The following RAD50 variants were observed in gnomAD, a reference collection of about 807,000 sequenced individuals.
RAD50 encodes DNA repair protein RAD50.
In RAD50, 132 loss-of-function variants were observed where a neutral mutation model predicts 168.8. The ratio of observed to expected loss-of-function variants is 0.78; its 90% CI spans 0.68 to 0.90. The LOEUF (loss-of-function observed/expected upper bound fraction) is 0.90, where lower values mean the gene tolerates loss of function less well. Among genes scored for constraint, RAD50 ranks in the 40% least tolerant of loss-of-function variants. RAD50 has a pLI of 0.00. For synonymous variants in RAD50, 525 were observed against 497.4 expected (o/e 1.06, Z -0.74); for missense variants, 1,347 against 1,534.4 (o/e 0.88, Z 2.04).
At chr5:132,591,591 A>G (rs1432747643) in intron 10 of RAD50, among the ~76,000 whole-genome samples, 185 bp downstream of exon 10, 1 of 152,204 alleles carries the variant, frequency 6.6e-6, no homozygotes, top group Admixed American at 6.5e-5. Flanking sequence ...CAAAAAGTTA[A>G]TACAGAAATG....
chr5:132,632,573 CATG>C (rs143696979), intron 21 of RAD50, among the ~76,000 whole-genome samples: 6,199 of 152,176 alleles, frequency 0.041, 350 homozygotes, highest in African/African-American at 0.13. Flanking sequence ...CTGTAAAATG[CATG>C]ATATCTACTT....
chr5:132,564,586 A>G (rs1029816018), intron 2 of RAD50, among the ~76,000 whole-genome samples: 5 of 152,226 alleles, frequency 3.3e-5, no homozygotes, highest in African/African-American at 1.2e-4. Context: ...AGCAGAGCAT[A>G]AAAGTTTGGA....
At chr5:132,568,764 A>G (rs555310704) in intron 2 of RAD50, among the ~76,000 whole-genome samples, 15 of 152,338 alleles carry the variant, frequency 9.8e-5, no homozygotes, top group African/African-American at 3.4e-4. Context: ...AATGGAGGAC[A>G]TTTTCAGATT....
rs1207946233 is a variant in RAD50 at position 132,585,591 on chromosome 5, C to CTTTT, written c.757-1954_757-1951dup. ...ATTTTATTATTGAGCTGTGAGAGTTCTTTTTTTTTTTTTTTTTTTTCTTGT... is the reference window on the plus strand; with the variant it reads ...ATTTTATTATTGAGCTGTGAGAGTTCTTTTTTTTTTTTTTTTTTTTTTTTCTTGT... On this transcript the variant is annotated intron_variant, in intron 5 of 24. Coordinates refer to ENST00000378823, the MANE Select transcript of RAD50 (RefSeq NM_005732.4). Among the ~76,000 whole-genome samples the CTTTT allele has an allele frequency of 3.0e-4, 34 of 113,564 alleles. 1 individual carries two copies. The highest frequency in any genetic ancestry group is 7.6e-4 in the African/African-American group (24 of 31,596). 74.5% of individuals were successfully genotyped at this position (113,564 alleles called of 152,430 possible).
rs1581009486 is a variant in RAD50, at chr5:132,618,190, A to G, written c.3285A>G (p.Pro1095=). 1 of 1,614,028 alleles carries G rather than the reference A, an allele frequency of 6.2e-7. No homozygotes were observed. Among genetic ancestry groups the G allele is most frequent in the Middle Eastern group, 1.7e-4 (1 of 6,058 alleles). ...ATTTTAAGAAAGAACTTCGAGAACC[A>G]CAATTTCGGGATGCTGAGGAAAAGT... The part of the protein sequence containing the change: ...IIHFKKELRE[P]QFRDAEEKYR... The change falls in exon 21 of 25, where the codon CCA becomes CCG. Residue 1095 remains proline (P), a synonymous_variant. Coordinates refer to ENST00000378823, the MANE Select transcript of RAD50 (RefSeq NM_005732.4).
chr5:132,571,902 A>G (rs1340388875), intron 2 of RAD50, among the ~76,000 whole-genome samples: 1 of 152,226 alleles, frequency 6.6e-6, no homozygotes, highest in Non-Finnish European at 1.5e-5. Context: ...TATTCTGCAA[A>G]ATAATGGTCT....
chr5:132,643,263 C>G lies in RAD50; in HGVS notation c.*899C>G, dbSNP rs777025862. ...TGCTCCCTGTAGGGTCCAACCAGAC[C>G]TGGAAGAACAGGCCTCTCCATTTGC... On this transcript the variant is annotated 3_prime_UTR_variant, in exon 25 of 25. Transcript: ENST00000378823. The G allele has an allele frequency of 2.3e-5, 6 of 264,418 alleles. No individual in the cohort carries two copies. Among genetic ancestry groups the G allele is most frequent in the Non-Finnish European group, 3.9e-5 (5 of 129,052 alleles). 16.4% of individuals were successfully genotyped at this position (264,418 alleles called of 1,614,324 possible).
intron 5 of RAD50, among the ~76,000 whole-genome samples, chr5:132,582,661 T>TC (rs1750523262): frequency 1.3e-5 from 2 of 152,208 alleles, no homozygotes; most frequent in African/African-American, 4.8e-5. Flanking sequence ...TAAATGGGAA[T>TC]TGCTAGAGGA....
At chr5:132,590,454 A>G (rs1355997309) in intron 9 of RAD50, among the ~76,000 whole-genome samples, 1 of 152,228 alleles carries the variant, frequency 6.6e-6, no homozygotes, top group African/African-American at 2.4e-5. Context: ...TGGGTGACAG[A>G]GTGGGACTCC....
intron 21 of RAD50, among the ~76,000 whole-genome samples, chr5:132,619,291 T>C (rs1751232371): frequency 6.6e-6 from 1 of 152,246 alleles, no homozygotes; most frequent in Non-Finnish European, 1.5e-5. Context: ...ACTAGCAGTA[T>C]ATAAGGGTTT....
intron 11 of RAD50, among the ~76,000 whole-genome samples, chr5:132,592,485 G>T (rs1249977921): frequency 1.3e-5 from 2 of 152,218 alleles, no homozygotes; most frequent in Non-Finnish European, 2.9e-5. Context: ...CTTGTTTGAT[G>T]AGAGGAATGA....
chr5:132,604,888 G>A lies in RAD50; in HGVS notation c.2607G>A (p.Glu869=), dbSNP rs876660389. The A allele has an allele frequency of 6.2e-7, 1 of 1,613,504 alleles. No homozygotes were observed. The highest frequency in any genetic ancestry group is 1.3e-5 in the African/African-American group (1 of 74,888). Residue 869 remains glutamate, a synonymous_variant, in exon 16 of 25, where the codon GAG becomes GAA. Transcript: ENST00000378823. ...QIQHLKSTTN[E]LKSEKLQIST... is the part of the protein sequence containing the mutation. ...AACATCTAAAAAGTACAACAAATGA[G>A]CTAAAATCTGAGAAACTTCAGATAT... is the stretch of plus-strand genomic sequence containing the variant.
chr5:132,564,584 A>G (rs558553040), intron 2 of RAD50, among the ~76,000 whole-genome samples: 17 of 152,346 alleles, frequency 1.1e-4, no homozygotes, highest in Non-Finnish European at 4.4e-5. Context: ...GAAGCAGAGC[A>G]TAAAAGTTTG....
At chr5:132,610,553 G>A (rs1296383000) in intron 19 of RAD50, among the ~76,000 whole-genome samples, 3 of 151,958 alleles carry the variant, frequency 2.0e-5, no homozygotes, top group Non-Finnish European at 4.4e-5. Flanking sequence ...CTATTTGAAT[G>A]CCTTAACCAC....
intron 20 of RAD50, 64 bp from the exon 21 acceptor site, chr5:132,618,005 CT>C (rs1158498598): frequency 7.6e-7 from 1 of 1,312,304 alleles, no homozygotes; most frequent in East Asian, 2.3e-5. Flanking sequence ...AAATCTATGA[CT>C]TTTCCACTTC....
chr5:132,626,591 C>A (rs1183357568), intron 21 of RAD50, among the ~76,000 whole-genome samples: 1 of 152,158 alleles, frequency 6.6e-6, no homozygotes, highest in South Asian at 2.1e-4. Flanking sequence ...ATTCTCTATT[C>A]TTTAATAGCA....
intron 11 of RAD50, 49 bp from the exon 12 acceptor site, chr5:132,594,820 C>G: frequency 6.5e-7 from 1 of 1,543,916 alleles, no homozygotes. Flanking sequence ...AATTTTCAAA[C>G]TAATTTCTCC....
Position 132,576,010 on chromosome 5 carries a change from G to A in RAD50, c.365+82G>A, listed in dbSNP as rs1750393545. The stretch of plus-strand genomic sequence containing the variant: ...AGTTGATGGTTGTTTTCTACTATAA[G>A]TTTAGGGGAGCATATTAAATTTTTT... On this transcript the variant is annotated intron_variant, in intron 3 of 24. Coordinates refer to ENST00000378823, the MANE Select transcript of RAD50 (RefSeq NM_005732.4). 3 of 1,329,834 alleles carry A rather than the reference G, an allele frequency of 2.3e-6. No individual in the cohort carries two copies. The African/African-American group carries it at 4.5e-5, about 20-fold the overall frequency. 82.4% of individuals were successfully genotyped at this position (1,329,834 alleles called of 1,614,324 possible). A position where few individuals can be genotyped will look rare whatever the true frequency, so the allele number is the denominator to read the frequency against.
rs769143998 is a variant in RAD50, at chr5:132,595,711, C to G, written c.2108C>G (p.Ser703Cys). The change falls in exon 13 of 25, where the codon TCT (serine) becomes TGT (cysteine). Residue 703 changes from serine (S) to cysteine (C), a missense_variant. By Grantham distance (112) the Ser-to-Cys change is moderately radical. This residue lies in a region of RAD50 where 635 missense variants were observed against 739.2 expected (regional missense o/e 0.86). Transcript: ENST00000378823. ...ELQEVISDLQ[S>C]KLRLAPDKLK... ...CAAGAAGTCATCAGTGATTTGCAGT[C>G]TAAACTGCGACTTGCTCCAGATAAA... 1 of 1,613,520 alleles carries G rather than the reference C, an allele frequency of 6.2e-7. No homozygotes were observed. Among genetic ancestry groups the G allele is most frequent in the Admixed American group, 1.7e-5 (1 of 59,996 alleles).
Sources: allele counts gnomAD v4.1 joint callset (sites outside exome capture counted in the v4.1 genomes callset), GRCh38; gene constraint gnomAD v4.1.1; regional missense constraint gnomAD v4.1.1; transcripts MANE v1.5; gene names NCBI Gene and HGNC (gene_info 2026-07-23, HGNC 2026-07-21).